The following NARS1 variants were observed in gnomAD, a reference collection of about 807,000 sequenced individuals.
NARS1 encodes asparagine--tRNA ligase, cytoplasmic.
Under a neutral mutation model 79.2 loss-of-function variants are expected in NARS1, and 65 were observed. That is an observed-to-expected ratio of 0.82 (90% CI 0.67 to 1.01). The LOEUF is 1.01. Ranked by LOEUF, NARS1 falls within the 50% of genes least tolerant of loss-of-function variation. The pLI is 0.00. For synonymous variants in NARS1, 229 were observed against 238.8 expected, an observed-to-expected ratio of 0.96 and a Z score of 0.38; for missense variants, 649 against 673.8, an observed-to-expected ratio of 0.96 and a Z score of 0.41.
intron 2 of NARS1, among the ~76,000 whole-genome samples, chr18:57,617,989 T>C (rs1022749011): frequency 4.7e-5 from 7 of 149,000 alleles, no homozygotes; most frequent in African/African-American, 1.7e-4. Flanking sequence ...TAAGAATACA[T>C]GTAGGGGCCA....
intron 2 of NARS1, 122 bp from the exon 3 acceptor site, chr18:57,616,097 C>T: frequency 1.2e-6 from 1 of 867,550 alleles, no homozygotes; most frequent in East Asian, 2.7e-5. Context: ...CAGCCAAAAG[C>T]TGATATTGGC....
At chr18:57,605,619 A>AG (rs2051547740) in intron 11 of NARS1, among the ~76,000 whole-genome samples, 3 of 151,132 alleles carry the variant, frequency 2.0e-5, no homozygotes, top group Admixed American at 1.3e-4. Context: ...TCAAAAAAAA[A>AG]AAAAAAAAAG....
At chr18:57,608,855 T>C (rs957243731) in intron 7 of NARS1, among the ~76,000 whole-genome samples, 15 of 152,156 alleles carry the variant, frequency 9.9e-5, no homozygotes, top group African/African-American at 3.6e-4. Context: ...CCACCCTCAA[T>C]GTGGGTGGGC....
intron 13 of NARS1, among the ~76,000 whole-genome samples, chr18:57,602,069 A>G (rs2051511933): frequency 6.6e-6 from 1 of 152,226 alleles, no homozygotes. Flanking sequence ...ATGTCTATTT[A>G]TAAGAGGAAA....
At chr18:57,617,387 A>G (rs949728754) in intron 2 of NARS1, among the ~76,000 whole-genome samples, 21 of 151,184 alleles carry the variant, frequency 1.4e-4, no homozygotes, top group Non-Finnish European at 2.5e-4. Flanking sequence ...CCTGGCTAAC[A>G]TGGTGAAACC....
chr18:57,615,584 G>A (rs1264841577), intron 4 of NARS1, 57 bp downstream of exon 4: 1 of 1,220,134 alleles, frequency 8.2e-7, no homozygotes, highest in African/African-American at 1.5e-5. Context: ...CTCATACACA[G>A]AAATAATGAT....
At chr18:57,616,489 T>C (rs1386755868) in intron 2 of NARS1, among the ~76,000 whole-genome samples, 2 of 150,046 alleles carry the variant, frequency 1.3e-5, no homozygotes, top group South Asian at 2.1e-4. Flanking sequence ...TCACAAACAA[T>C]TACAGCAAGT....
chr18:57,620,819 C>T (rs1416434758), intron 1 of NARS1, among the ~76,000 whole-genome samples, 168 bp from the exon 2 acceptor site: 1 of 152,198 alleles, frequency 6.6e-6, no homozygotes, highest in Non-Finnish European at 1.5e-5. Flanking sequence ...TCAATAACAT[C>T]CATCTCATAA....
At chr18:57,616,356 C>A (rs1242399982) in intron 2 of NARS1, among the ~76,000 whole-genome samples, 2 of 150,446 alleles carry the variant, frequency 1.3e-5, no homozygotes, top group African/African-American at 4.9e-5. Context: ...GGAGGCGGAG[C>A]TTGCAGTGAG....
chr18:57,608,155 C>T (rs1361866165), intron 7 of NARS1, among the ~76,000 whole-genome samples: 1 of 152,098 alleles, frequency 6.6e-6, no homozygotes, highest in East Asian at 1.9e-4. Context: ...CATGAGCCAC[C>T]ATGCGCAGCC....
intron 9 of NARS1, 152 bp from the exon 10 acceptor site, chr18:57,606,903 A>T: frequency 1.0e-6 from 1 of 990,512 alleles, no homozygotes; most frequent in Non-Finnish European, 1.5e-6. Flanking sequence ...CCTCTTCTCC[A>T]CTGAGTAGCA....
At chr18:57,608,454 AAAAAC>A (rs1322919500) in intron 7 of NARS1, among the ~76,000 whole-genome samples, 42 of 151,366 alleles carry the variant, frequency 2.8e-4, no homozygotes, top group African/African-American at 8.7e-4. Context: ...AAAAAAAAAA[AAAAAC>A]AATAAAAACA....
intron 1 of NARS1, 139 bp downstream of exon 1, chr18:57,621,569 C>CCCCCCCCCCTG: frequency 6.3e-6 from 3 of 478,082 alleles, no homozygotes; most frequent in South Asian, 1.6e-5. Flanking sequence ...ACCCTCCCTC[C>CCCCCCCCCCTG]CTCCCTCCCT....
In NARS1 at chr18:57,620,579, GT is replaced by G. The variant is rs755005930; in HGVS notation, c.82del (p.Thr28GlnfsTer3). 1 of 1,610,756 alleles carries G rather than the reference GT, an allele frequency of 6.2e-7. No individual in the cohort carries two copies. The highest frequency in any genetic ancestry group is 1.1e-5 in the South Asian group (1 of 90,906). On this transcript the variant is annotated frameshift_variant, in exon 2 of 14. Transcript: ENST00000256854. LOFTEE classifies it high-confidence loss of function. ...GAGAAGAGACTCTACCTTTAGACCT[GT>G]TTTAAATGGTTTCTCCTTGGTTCCA... Reference protein sequence around the residue: ...GDGTKEKPFKTGLKALMTVGK... With the variant: ...GDGTKEKPFKXGLKALMTVGK...
intron 11 of NARS1, 139 bp downstream of exon 11, chr18:57,605,718 G>T: frequency 1.6e-6 from 1 of 623,896 alleles, no homozygotes; most frequent in Non-Finnish European, 2.8e-6. Context: ...GAATCTGCAG[G>T]CAACCCAAGA....
chr18:57,610,342 T>C (rs1316704092), intron 6 of NARS1, among the ~76,000 whole-genome samples: 2 of 152,022 alleles, frequency 1.3e-5, no homozygotes, highest in Non-Finnish European at 2.9e-5. Context: ...TATGGTGGCA[T>C]GCACCTGTAG....
At chr18:57,619,320 T>G (rs1471406288) in intron 2 of NARS1, among the ~76,000 whole-genome samples, 1 of 149,150 alleles carries the variant, frequency 6.7e-6, no homozygotes, top group Non-Finnish European at 1.5e-5. Context: ...CTCACTCCTA[T>G]AAACCCAGCA....
chr18:57,606,354 ATATATATAT>A (rs1568163291), intron 10 of NARS1, among the ~76,000 whole-genome samples: 1 of 141,862 alleles, frequency 7.0e-6, no homozygotes, highest in African/African-American at 2.6e-5. Flanking sequence ...CAAAAAAAAA[ATATATATAT>A]ATATATATAT....
intron 2 of NARS1, among the ~76,000 whole-genome samples, chr18:57,616,825 A>G (rs1022790730): frequency 4.6e-5 from 7 of 151,756 alleles, no homozygotes; most frequent in Non-Finnish European, 1.0e-4. Flanking sequence ...ACACAGTGAA[A>G]CCCTGTCTCT....
Sources: gnomAD v4.1 joint callset for allele counts (sites outside exome capture counted in the v4.1 genomes callset) on GRCh38, gnomAD v4.1.1 for gene constraint, MANE v1.5 for transcripts, NCBI Gene and HGNC (gene_info 2026-07-23, HGNC 2026-07-21) for gene names.